The following WDR4 variants were observed in gnomAD, a reference collection of about 807,000 sequenced individuals.
The protein encoded by WDR4 is WDR4 tRNA N7-guanosine methyltransferase non-catalytic subunit.
A neutral mutation model predicts 48.6 loss-of-function variants in WDR4; 47 were observed. That is an observed-to-expected ratio of 0.97 (90% CI 0.77 to 1.23). The LOEUF (loss-of-function observed/expected upper bound fraction) is 1.23, where lower values mean the gene tolerates loss of function less well. Among genes scored for constraint, WDR4 ranks in the 50% most tolerant of loss-of-function variants. The probability of loss-of-function intolerance (pLI) is 0.00; values close to 1 mark genes in which losing one functional copy is unlikely to be tolerated. For missense variants in WDR4, 606 were observed against 551.6 expected (o/e 1.10, Z -0.99); for synonymous variants, 268 against 230.0 (o/e 1.17, Z -1.49).
At chr21:42,881,864 G>C (rs1259531561), upstream of WDR4, among the ~76,000 whole-genome samples, 2 of 151,990 alleles carry the variant, frequency 1.3e-5, no homozygotes, top group Non-Finnish European at 2.9e-5. Context: ...GAGTGCAATG[G>C]CGTGATCTCC....
At chr21:42,876,853 T>G in intron 1 of WDR4, 86 bp from the exon 2 acceptor site, 1 of 1,262,936 alleles carries the variant, frequency 7.9e-7, no homozygotes, top group Non-Finnish European at 1.1e-6. Flanking sequence ...AGTTTCGCTC[T>G]CGTTGTCCAG....
Position 42,849,953 on chromosome 21 carries a change from C to A in WDR4, c.*96G>T. The A allele has an allele frequency of 6.7e-7, 1 of 1,496,344 alleles. No homozygotes were observed. The allele number at this position is 1,496,344 out of a possible 1,614,324, so 92.7% of individuals were successfully genotyped here. On this transcript the variant is annotated 3_prime_UTR_variant, in exon 11 of 11. Transcript: ENST00000398208. Reference sequence around the variant, plus strand: ...CCTCTGAGCTGGTCACAACTGATGTCACCTTTTCCTTCTTGAAGGGACATG... The same window carrying A: ...CCTCTGAGCTGGTCACAACTGATGTAACCTTTTCCTTCTTGAAGGGACATG...
At chr21:42,880,998 C>T (rs1372182367), upstream of WDR4, among the ~76,000 whole-genome samples, 1 of 151,922 alleles carries the variant, frequency 6.6e-6, no homozygotes, top group Non-Finnish European at 1.5e-5. Context: ...CTCCACCTCC[C>T]GAGTTCACGC....
chr21:42,872,172 C>CG (rs1354068383), intron 3 of WDR4, among the ~76,000 whole-genome samples: 1 of 152,040 alleles, frequency 6.6e-6, no homozygotes, highest in Non-Finnish European at 1.5e-5. Flanking sequence ...TTAGTAGAGA[C>CG]GGGGTTTTGC....
At chr21:42,851,016 A>C (rs1005492661) in intron 10 of WDR4, among the ~76,000 whole-genome samples, 4 of 151,658 alleles carry the variant, frequency 2.6e-5, no homozygotes, top group Non-Finnish European at 5.9e-5. Flanking sequence ...CTTGTGGGAC[A>C]CTCTAGCAGC....
chr21:42,887,146 C>A, the WDR4 span, among the ~76,000 whole-genome samples: 1 of 152,108 alleles, frequency 6.6e-6, no homozygotes, highest in African/African-American at 2.4e-5. Flanking sequence ...GCAAGCACCA[C>A]CATGCCCGGC....
At position 42,863,423 on chromosome 21, in the gene WDR4, C is replaced by T. The variant is rs761758195; in HGVS notation, c.453+17G>A. ...CCACACCTGCCATGTCCCCCACCTA[C>T]CACGTCCCCCACCTACCACATCTAA... On this transcript the variant is annotated intron_variant, in intron 4 of 10. Coordinates refer to ENST00000398208, the MANE Select transcript of WDR4 (RefSeq NM_018669.6). 3.1e-6 allele frequency: 5 copies of T among 1,600,682 alleles called. No homozygotes were observed. In the African/African-American group the frequency reaches 4.0e-5, roughly 13 times the overall value.
intron 2 of WDR4, among the ~76,000 whole-genome samples, chr21:42,875,915 G>GTTTTTTT (rs1569337249): frequency 1.5e-5 from 1 of 68,222 alleles, no homozygotes; most frequent in African/African-American, 9.1e-5. Flanking sequence ...CTAACACTGT[G>GTTTTTTT]CTTTTTTTTT....
chr21:42,848,712 T>A (rs1310401332), downstream of WDR4, among the ~76,000 whole-genome samples: 5 of 33,744 alleles, frequency 1.5e-4, no homozygotes, highest in Non-Finnish European at 1.6e-4. Flanking sequence ...CACACCTCAC[T>A]CACACAGCGC....
Position 42,867,392 on chromosome 21 carries a change from C to CAAAAAAAA in WDR4, c.297-3797_297-3796insTTTTTTTT, listed in dbSNP as rs1569329587. Reference sequence around the variant, plus strand: ...GGTGACAAAGAGACACTCCGCTCCACCAAAAAAAAAAAAAAAAAAAAGTGA... The same window carrying CAAAAAAAA: ...GGTGACAAAGAGACACTCCGCTCCACAAAAAAAACAAAAAAAAAAAAAAAAAAAAGTGA... On this transcript the variant is annotated intron_variant, in intron 3 of 10. Transcript: ENST00000398208. Among the ~76,000 whole-genome samples, 4 of 64,942 alleles carry CAAAAAAAA rather than the reference C, an allele frequency of 6.2e-5. 1 individual carries two copies. Among genetic ancestry groups the CAAAAAAAA allele is most frequent in the African/African-American group, 7.7e-5 (1 of 12,948 alleles). 42.6% of individuals were successfully genotyped at this position (64,942 alleles called of 152,430 possible). A position where few individuals can be genotyped will look rare whatever the true frequency, so the allele number is the denominator to read the frequency against.
chr21:42,867,752 G>A (rs537413853), intron 3 of WDR4, among the ~76,000 whole-genome samples: 3 of 151,222 alleles, frequency 2.0e-5, no homozygotes, highest in African/African-American at 4.9e-5. Context: ...TTGTAGATAC[G>A]AGATCTCACT....
chr21:42,882,437 C>A (rs2058615827), upstream of WDR4, among the ~76,000 whole-genome samples: 1 of 149,746 alleles, frequency 6.7e-6, no homozygotes, highest in Non-Finnish European at 1.5e-5. Flanking sequence ...GTGGCATGCA[C>A]CTGTAATCCC....
At chr21:42,884,246 A>G (rs1166729651), upstream of WDR4, among the ~76,000 whole-genome samples, 1 of 152,170 alleles carries the variant, frequency 6.6e-6, no homozygotes, top group Non-Finnish European at 1.5e-5. Context: ...TGAACATTCC[A>G]CTGGGAATGG....
chr21:42,872,727 G>C (rs2058400917), intron 3 of WDR4, among the ~76,000 whole-genome samples: 1 of 152,092 alleles, frequency 6.6e-6, no homozygotes, highest in South Asian at 2.1e-4. Context: ...CTGAGGTCAG[G>C]AGTTCAAGAG....
chr21:42,843,839 G>A (rs752459186), intron 11 of WDR4, among the ~76,000 whole-genome samples: 3 of 152,060 alleles, frequency 2.0e-5, no homozygotes, highest in Admixed American at 1.3e-4. Flanking sequence ...GATTACAGGC[G>A]TGAGCCACCG....
At chr21:42,852,349 T>A (rs2057854849) in intron 9 of WDR4, 25 bp from the exon 10 acceptor site, 1 of 1,612,800 alleles carries the variant, frequency 6.2e-7, no homozygotes, top group Non-Finnish European at 8.5e-7. Context: ...CAGGAAATCT[T>A]CATCAGAAAG....
intron 10 of WDR4, 92 bp downstream of exon 10, chr21:42,852,163 G>C (rs1369418127): frequency 2.2e-6 from 3 of 1,341,218 alleles, no homozygotes; most frequent in African/African-American, 1.4e-5. Flanking sequence ...TGCACACCAG[G>C]TACCCCGGGC....
At chr21:42,855,072 G>GT (rs2057950856) in intron 7 of WDR4, among the ~76,000 whole-genome samples, 1 of 151,826 alleles carries the variant, frequency 6.6e-6, no homozygotes, top group Non-Finnish European at 1.5e-5. Flanking sequence ...GGAGGTTGCT[G>GT]TGAGTCGAGA....
chr21:42,873,475 G>C (rs2058418605), intron 3 of WDR4, 76 bp downstream of exon 3: 2 of 1,574,624 alleles, frequency 1.3e-6, no homozygotes, highest in African/African-American at 2.7e-5. Context: ...ACCATGTTAT[G>C]GTCACTATTG....
Sources: allele counts gnomAD v4.1 joint callset (sites outside exome capture counted in the v4.1 genomes callset), GRCh38; gene constraint gnomAD v4.1.1; transcripts MANE v1.5; gene names NCBI Gene and HGNC (gene_info 2026-07-23, HGNC 2026-07-21).